The following CD99L2 variants were observed in gnomAD, a reference collection of about 807,000 sequenced individuals.
CD99L2 encodes CD99 molecule like 2.
Under a neutral mutation model 27.3 loss-of-function variants are expected in CD99L2, and 24 were observed. The ratio of observed to expected loss-of-function variants is 0.88; its 90% CI spans 0.64 to 1.24. The LOEUF (loss-of-function observed/expected upper bound fraction) is 1.24, where lower values mean the gene tolerates loss of function less well. Ranked by LOEUF, CD99L2 falls within the 50% of genes most tolerant of loss-of-function variation. The pLI is 0.00. For synonymous variants in CD99L2, 97 were observed against 87.9 expected (o/e 1.10, Z -0.58); for missense variants, 255 against 221.6 (o/e 1.15, Z -0.96).
intron 9 of CD99L2, among the ~76,000 whole-genome samples, chrX:150,772,617 C>T (rs2043479970): frequency 1.8e-5 from 2 of 112,888 alleles, no homozygotes; most frequent in African/African-American, 3.2e-5. Flanking sequence ...AAACAGGTCC[C>T]GCTGGAGGAG....
chrX:150,836,908 T>C (rs1557421218), intron 1 of CD99L2, among the ~76,000 whole-genome samples: 1 of 112,172 alleles, frequency 8.9e-6, no homozygotes, highest in Admixed American at 9.5e-5. Context: ...TAAAGTATTA[T>C]AATCTTATGA....
intron 4 of CD99L2, among the ~76,000 whole-genome samples, chrX:150,795,769 G>A (rs1481711008): frequency 9.0e-6 from 1 of 111,661 alleles, no homozygotes; most frequent in African/African-American, 3.3e-5. Flanking sequence ...CCAGATCTGC[G>A]GGAGATGACC....
intron 1 of CD99L2, among the ~76,000 whole-genome samples, chrX:150,878,641 T>C (rs2047273524): frequency 8.9e-6 from 1 of 111,753 alleles, no homozygotes; most frequent in African/African-American, 3.2e-5. Context: ...CAACGGACTT[T>C]TTTTAAAAAC....
chrX:150,830,819 CTTTTT>C (rs1557421043), intron 2 of CD99L2, among the ~76,000 whole-genome samples: 1 of 110,016 alleles, frequency 9.1e-6, no homozygotes, highest in Non-Finnish European at 1.9e-5. Context: ...CTTTTCTTTT[CTTTTT>C]TGAGACGGAG....
intron 7 of CD99L2, among the ~76,000 whole-genome samples, chrX:150,778,689 T>A (rs201903743): frequency 1.9e-4 from 3 of 16,198 alleles, no homozygotes; most frequent in African/African-American, 2.7e-4. Flanking sequence ...AAAAAAAATA[T>A]ATATATATAT....
intron 1 of CD99L2, among the ~76,000 whole-genome samples, chrX:150,857,572 A>G (rs2046912337): frequency 8.9e-6 from 1 of 112,175 alleles, no homozygotes; most frequent in Non-Finnish European, 1.9e-5. Context: ...GAGGGTATTC[A>G]TCGACACGAG....
intron 1 of CD99L2, among the ~76,000 whole-genome samples, chrX:150,848,573 A>C (rs1384916188): frequency 2.7e-5 from 3 of 109,255 alleles, no homozygotes; most frequent in African/African-American, 6.6e-5. Flanking sequence ...AAAAAAAAAA[A>C]CAGCAAGTGA....
chrX:150,784,686 G>A (rs1221100416), intron 7 of CD99L2, among the ~76,000 whole-genome samples: 1 of 112,728 alleles, frequency 8.9e-6, no homozygotes, highest in African/African-American at 3.2e-5. Context: ...CCAATCAAAA[G>A]TATCACTCTA....
intron 1 of CD99L2, among the ~76,000 whole-genome samples, chrX:150,888,236 C>A (rs782697118): frequency 9.0e-6 from 1 of 111,682 alleles, no homozygotes; most frequent in Non-Finnish European, 1.9e-5. Context: ...GCACAAATGT[C>A]CACAGCAGCA....
At chrX:150,786,173 CATG>C (rs1317698240) in intron 7 of CD99L2, among the ~76,000 whole-genome samples, 1 of 110,475 alleles carries the variant, frequency 9.1e-6, no homozygotes, top group African/African-American at 3.3e-5. Flanking sequence ...TGTGGTATCT[CATG>C]GTGGTTTGAT....
At chrX:150,851,327 A>G (rs994713229) in intron 1 of CD99L2, among the ~76,000 whole-genome samples, 1 of 112,082 alleles carries the variant, frequency 8.9e-6, no homozygotes, top group Admixed American at 9.4e-5. Context: ...TTGAGGACCT[A>G]GCAAGGAGCA....
intron 10 of CD99L2, 47 bp from the exon 11 acceptor site, chrX:150,769,148 C>T (rs782220259): frequency 8.9e-7 from 1 of 1,128,545 alleles, no homozygotes; most frequent in East Asian, 3.4e-5. Flanking sequence ...CTGTCTTGCA[C>T]AGAAGAAGCA....
rs1217537609 is a variant in CD99L2 at position 150,783,448 on chromosome X, T to G, written c.497-5966A>C. Among the ~76,000 whole-genome samples, 5 of 111,152 alleles carry G rather than the reference T, an allele frequency of 4.5e-5. No homozygotes were observed. The South Asian group carries it at 1.1e-3, about 25-fold the overall frequency. On this transcript the variant is annotated intron_variant, in intron 7 of 10. Transcript: ENST00000370377. ...AGTGAGGGCGTTCACGCTTCACACT[T>G]GGGGACATCTCCAGATAGCCTCTGT...
intron 7 of CD99L2, among the ~76,000 whole-genome samples, chrX:150,783,577 A>AAATG (rs1477508088): frequency 8.9e-6 from 1 of 111,920 alleles, no homozygotes; most frequent in Non-Finnish European, 1.9e-5. Context: ...GCCTTTAAAA[A>AAATG]AATGCCCTCT....
chrX:150,853,037 C>T (rs2046817137), intron 1 of CD99L2, among the ~76,000 whole-genome samples: 1 of 111,226 alleles, frequency 9.0e-6, no homozygotes. Flanking sequence ...TCATGCTGCA[C>T]GATCCTGCTG....
At chrX:150,860,869 C>T in intron 1 of CD99L2, among the ~76,000 whole-genome samples, 1 of 110,568 alleles carries the variant, frequency 9.0e-6, no homozygotes. Flanking sequence ...TATCATTGGC[C>T]AGGCGCGGTG....
At position 150,864,663 on chromosome X, in the gene CD99L2, C is replaced by T. The variant is rs150855007; in HGVS notation, c.68-33370G>A. Among the ~76,000 whole-genome samples, 577 of 112,270 alleles carry T rather than the reference C, an allele frequency of 5.1e-3. 7 individuals carry two copies. The highest frequency in any genetic ancestry group is 0.014 in the Middle Eastern group (3 of 216). ...AAGCAACAAAGCAGATATAGCAACA[C>T]GAAGAGATCTTGAAAACACGGTTCT... On this transcript the variant is annotated intron_variant, in intron 1 of 10. Coordinates refer to ENST00000370377, the MANE Select transcript of CD99L2 (RefSeq NM_031462.4).
chrX:150,826,278 G>A (rs782500670), intron 2 of CD99L2, among the ~76,000 whole-genome samples: 1 of 111,717 alleles, frequency 9.0e-6, no homozygotes, highest in Non-Finnish European at 1.9e-5. Context: ...TTTTGTTATG[G>A]CAGCACAAAT....
At chrX:150,825,406 G>A (rs899995771) in intron 2 of CD99L2, among the ~76,000 whole-genome samples, 2 of 111,671 alleles carry the variant, frequency 1.8e-5, no homozygotes, top group African/African-American at 6.5e-5. Context: ...TCTTAATTAC[G>A]GTACCACATA....
Sources: allele counts gnomAD v4.1 joint callset (sites outside exome capture counted in the v4.1 genomes callset), GRCh38; gene constraint gnomAD v4.1.1; transcripts MANE v1.5; gene names NCBI Gene and HGNC (gene_info 2026-07-23, HGNC 2026-07-21).